The following DIPK1A variants were observed in gnomAD, a reference collection of about 807,000 sequenced individuals.
DIPK1A encodes family with sequence similarity 69 member A.
In DIPK1A, 27 loss-of-function variants were observed where a neutral mutation model predicts 40.8. The observed-to-expected ratio is 0.66, with a 90% CI of 0.49 to 0.91. The LOEUF (loss-of-function observed/expected upper bound fraction) is 0.91. Among genes scored for constraint, DIPK1A ranks in the 40% least tolerant of loss-of-function variants. DIPK1A has a pLI of 0.00. For missense variants in DIPK1A, 412 were observed against 505.7 expected (o/e 0.81, Z 1.78); for synonymous variants, 166 against 171.3 (o/e 0.97, Z 0.24).
intron 1 of DIPK1A, among the ~76,000 whole-genome samples, chr1:92,898,907 C>T (rs1649294941): frequency 6.6e-6 from 1 of 152,130 alleles, no homozygotes; most frequent in Non-Finnish European, 1.5e-5. Flanking sequence ...CGACCACAGA[C>T]ATGTGCCACC....
intron 1 of DIPK1A, among the ~76,000 whole-genome samples, chr1:92,896,702 T>C (rs1460092609): frequency 6.6e-6 from 1 of 151,908 alleles, no homozygotes; most frequent in African/African-American, 2.4e-5. Flanking sequence ...GAAACTACCA[T>C]CAGAGTGAAC....
At chr1:92,930,723 T>A (rs1314126720) in intron 1 of DIPK1A, 1 of 152,242 alleles carries the variant, frequency 6.6e-6, no homozygotes, top group East Asian at 1.9e-4. Context: ...CCTTTTCTGA[T>A]ACTGTTTACT....
intron 3 of DIPK1A, among the ~76,000 whole-genome samples, chr1:92,847,850 C>T (rs1484357761): frequency 6.6e-6 from 1 of 152,186 alleles, no homozygotes; most frequent in Non-Finnish European, 1.5e-5. Context: ...ATCTTCCTGC[C>T]TCAGTCTCCC....
At chr1:92,838,600 G>GTGGCC (rs1267445833), downstream of DIPK1A, among the ~76,000 whole-genome samples, 1 of 152,192 alleles carries the variant, frequency 6.6e-6, no homozygotes, top group Non-Finnish European at 1.5e-5. Flanking sequence ...TTTATCTACA[G>GTGGCC]TGGCCTCTAT....
At chr1:92,887,522 A>T (rs1222355701) in intron 1 of DIPK1A, among the ~76,000 whole-genome samples, 2 of 152,128 alleles carry the variant, frequency 1.3e-5, no homozygotes, top group Non-Finnish European at 2.9e-5. Flanking sequence ...GATCCCTACT[A>T]GTCTACTGAT....
chr1:92,910,618 AATT>A (rs1465979268), intron 1 of DIPK1A, among the ~76,000 whole-genome samples: 1 of 151,816 alleles, frequency 6.6e-6, no homozygotes, highest in Non-Finnish European at 1.5e-5. Context: ...AATAATAAAT[AATT>A]ATTATTAAAA....
intron 1 of DIPK1A, among the ~76,000 whole-genome samples, chr1:92,945,891 C>T (rs1470463373): frequency 2.0e-5 from 3 of 152,090 alleles, no homozygotes; most frequent in Non-Finnish European, 4.4e-5. Context: ...AAACTGTGGC[C>T]GATGGACAGT....
intron 1 of DIPK1A, among the ~76,000 whole-genome samples, chr1:92,948,449 CT>C (rs11447237): frequency 0.012 from 1,890 of 151,652 alleles, 21 homozygotes; most frequent in Non-Finnish European, 0.022. Context: ...AGGTAATTAA[CT>C]TTTTTCTTTA....
chr1:92,953,336 G>C (rs1490528816), intron 1 of DIPK1A, among the ~76,000 whole-genome samples: 1 of 151,158 alleles, frequency 6.6e-6, no homozygotes, highest in Non-Finnish European at 1.5e-5. Context: ...AAGCCACTTT[G>C]GAAAACAGTA....
chr1:92,913,012 G>A (rs1649895901), intron 1 of DIPK1A, among the ~76,000 whole-genome samples: 1 of 152,048 alleles, frequency 6.6e-6, no homozygotes, highest in African/African-American at 2.4e-5. Context: ...GCTAAGGCAG[G>A]AGAATTGCTT....
chr1:92,912,637 G>C (rs113399485), intron 1 of DIPK1A, among the ~76,000 whole-genome samples: 91 of 152,228 alleles, frequency 6.0e-4, no homozygotes, highest in African/African-American at 2.1e-3. Flanking sequence ...CAAAGATCTA[G>C]AGCTTAGAGT....
chr1:92,906,031 T>C (rs1307369598), intron 1 of DIPK1A, among the ~76,000 whole-genome samples: 4 of 152,296 alleles, frequency 2.6e-5, no homozygotes, highest in Middle Eastern at 3.4e-3. Flanking sequence ...AATAGCTCTG[T>C]AGTATAATTC....
At chr1:92,860,242 A>C (rs1688118423) in intron 2 of DIPK1A, among the ~76,000 whole-genome samples, 1 of 152,130 alleles carries the variant, frequency 6.6e-6, no homozygotes, top group Non-Finnish European at 1.5e-5. Context: ...TTCAGATTGC[A>C]CGGAGGGCTG....
chr1:92,868,947 CAG>C (rs1467533614), intron 2 of DIPK1A, among the ~76,000 whole-genome samples: 2 of 132,562 alleles, frequency 1.5e-5, no homozygotes, highest in African/African-American at 5.8e-5. Flanking sequence ...GCCTGTGTGA[CAG>C]AGTGAGACTC....
intron 2 of DIPK1A, among the ~76,000 whole-genome samples, chr1:92,874,125 T>C (rs921513764): frequency 6.6e-6 from 1 of 152,198 alleles, no homozygotes; most frequent in African/African-American, 2.4e-5. Flanking sequence ...AACCATTAAA[T>C]TATGCTAGAA....
At chr1:92,870,073 T>TACACACACACACACAC (rs1211095931) in intron 2 of DIPK1A, among the ~76,000 whole-genome samples, 1 of 143,636 alleles carries the variant, frequency 7.0e-6, no homozygotes, top group African/African-American at 2.6e-5. Flanking sequence ...ATGAATTATA[T>TACACACACACACACAC]ATACACACAC....
intron 1 of DIPK1A, among the ~76,000 whole-genome samples, chr1:92,911,871 G>A (rs997848181): frequency 1.3e-5 from 2 of 151,798 alleles, no homozygotes; most frequent in Admixed American, 6.6e-5. Flanking sequence ...GGGTGTGGTG[G>A]CAGGTGCCTG....
intron 3 of DIPK1A, among the ~76,000 whole-genome samples, chr1:92,849,596 T>G (rs1687745872): frequency 6.6e-6 from 1 of 151,932 alleles, no homozygotes; most frequent in East Asian, 1.9e-4. Context: ...CACTGGAACC[T>G]CCGCCTCCCA....
At chr1:92,907,520 A>G (rs1325370183) in intron 1 of DIPK1A, among the ~76,000 whole-genome samples, 5 of 151,848 alleles carry the variant, frequency 3.3e-5, no homozygotes, top group African/African-American at 1.2e-4. Flanking sequence ...ACTTATTACA[A>G]CCTTGAACTC....
Sources: allele counts gnomAD v4.1 joint callset (sites outside exome capture counted in the v4.1 genomes callset), GRCh38; gene constraint gnomAD v4.1.1; transcripts MANE v1.5; gene names NCBI Gene and HGNC (gene_info 2026-07-23, HGNC 2026-07-21).